The following CNTNAP5 variants were observed in gnomAD, a reference collection of about 807,000 sequenced individuals.
The protein encoded by CNTNAP5 is contactin associated protein family member 5.
Under a neutral mutation model 150.2 loss-of-function variants are expected in CNTNAP5, and 72 were observed. The observed-to-expected ratio is 0.48, with a 90% CI of 0.40 to 0.58. CNTNAP5 has a LOEUF of 0.58. CNTNAP5 is among the 20% of genes least tolerant of loss of function. The probability of loss-of-function intolerance (pLI) is 0.00; values close to 1 mark genes in which losing one functional copy is unlikely to be tolerated. For missense variants in CNTNAP5, 1,636 were observed against 1,626.2 expected (o/e 1.01, Z -0.10); for synonymous variants, 672 against 619.8 (o/e 1.08, Z -1.25).
chr2:124,811,940 C>T (rs1304634240), intron 19 of CNTNAP5, among the ~76,000 whole-genome samples: 15 of 117,310 alleles, frequency 1.3e-4, no homozygotes, highest in African/African-American at 4.7e-4. Flanking sequence ...AAACCTCCAT[C>T]TCAAAAAATA....
intron 5 of CNTNAP5, among the ~76,000 whole-genome samples, chr2:124,438,252 A>G (rs555877765): frequency 1.3e-5 from 2 of 152,290 alleles, no homozygotes; most frequent in Non-Finnish European, 2.9e-5. Context: ...CTTTCAATCC[A>G]TAAGGGGTTA....
intron 5 of CNTNAP5, among the ~76,000 whole-genome samples, chr2:124,443,345 G>A (rs1335422313): frequency 6.6e-6 from 1 of 151,010 alleles, no homozygotes; most frequent in Non-Finnish European, 1.5e-5. Context: ...TAAAAAGGAT[G>A]GGAAAGCTCT....
chr2:124,310,536 C>G (rs958745199), intron 3 of CNTNAP5, among the ~76,000 whole-genome samples: 1 of 152,092 alleles, frequency 6.6e-6, no homozygotes, highest in Admixed American at 6.6e-5. Context: ...CCCAAGCCCT[C>G]CCTTAACAAA....
At chr2:124,898,976 A>G (rs750940067) in intron 21 of CNTNAP5, among the ~76,000 whole-genome samples, 8 of 151,486 alleles carry the variant, frequency 5.3e-5, no homozygotes, top group Non-Finnish European at 1.2e-4. Context: ...ATTGTGCATC[A>G]TGGTGACTGC....
chr2:124,480,331 A>G (rs1693735448), intron 7 of CNTNAP5, among the ~76,000 whole-genome samples: 1 of 152,246 alleles, frequency 6.6e-6, no homozygotes, highest in African/African-American at 2.4e-5. Flanking sequence ...GATGTATTGA[A>G]GAGTAACAAC....
At chr2:124,726,800 G>A (rs1680165591) in intron 13 of CNTNAP5, among the ~76,000 whole-genome samples, 1 of 151,366 alleles carries the variant, frequency 6.6e-6, no homozygotes, top group Non-Finnish European at 1.5e-5. Flanking sequence ...TTTCACTCTC[G>A]ATTGTTGATT....
chr2:124,790,175 G>T, intron 18 of CNTNAP5, 34 bp downstream of exon 18: 1 of 1,572,326 alleles, frequency 6.4e-7, no homozygotes, highest in East Asian at 2.3e-5. Context: ...CCTGAGTGCA[G>T]TGCTGTATCA....
chr2:124,362,283 G>C (rs546505566), intron 3 of CNTNAP5, among the ~76,000 whole-genome samples: 2 of 152,162 alleles, frequency 1.3e-5, no homozygotes, highest in East Asian at 1.9e-4. Flanking sequence ...CGTCGCTCAC[G>C]CTGGGAGCTG....
intron 1 of CNTNAP5, among the ~76,000 whole-genome samples, chr2:124,057,749 CAG>C (rs971223146): frequency 6.6e-6 from 1 of 151,644 alleles, no homozygotes; most frequent in African/African-American, 2.4e-5. Flanking sequence ...AGGATGGTAA[CAG>C]AGGCTGGGAA....
At chr2:124,237,117 G>A (rs77640195) in intron 2 of CNTNAP5, among the ~76,000 whole-genome samples, 11,536 of 151,984 alleles carry the variant, frequency 0.076, 609 homozygotes, top group Non-Finnish European at 0.12. Flanking sequence ...TGACAGGAGC[G>A]AGACTCTGTC....
Position 124,856,638 on chromosome 2 carries a change from G to A in CNTNAP5, c.3218-8668G>A, listed in dbSNP as rs188956463. Among the ~76,000 whole-genome samples, 47 of 152,192 alleles carry A rather than the reference G, an allele frequency of 3.1e-4. 1 individual carries two copies. The East Asian group carries it at 8.5e-3, about 28-fold the overall frequency. On this transcript the variant is annotated intron_variant, in intron 19 of 23. Coordinates refer to ENST00000682447, the MANE Select transcript of CNTNAP5 (RefSeq NM_001367498.1). ...CTTTTAGACCCTGAGTTCCTGGTCC[G>A]TCATCCCCTTGTCATGTGTAGCTGA...
chr2:124,392,957 T>G (rs928666734), intron 3 of CNTNAP5, among the ~76,000 whole-genome samples: 3 of 152,200 alleles, frequency 2.0e-5, no homozygotes, highest in Non-Finnish European at 2.9e-5. Context: ...CCCAGGACAA[T>G]TCTCAAAGTT....
At chr2:124,257,052 C>A (rs373887318) in intron 3 of CNTNAP5, among the ~76,000 whole-genome samples, 61 of 152,208 alleles carry the variant, frequency 4.0e-4, no homozygotes, top group South Asian at 1.7e-3. Flanking sequence ...ATACAACCCA[C>A]GCAGTCCCAA....
intron 1 of CNTNAP5, among the ~76,000 whole-genome samples, chr2:124,195,803 C>T (rs1269216515): frequency 6.6e-6 from 1 of 152,156 alleles, no homozygotes; most frequent in Non-Finnish European, 1.5e-5. Flanking sequence ...ACTCAAGATT[C>T]TGTACCCAGG....
At chr2:124,063,442 T>C (rs1281218713) in intron 1 of CNTNAP5, among the ~76,000 whole-genome samples, 2 of 152,118 alleles carry the variant, frequency 1.3e-5, no homozygotes, top group Admixed American at 6.6e-5. Flanking sequence ...AAACATTTAT[T>C]GAAACCTTCT....
In CNTNAP5 at chr2:124,795,385, T is replaced by A. The variant is rs541480510; in HGVS notation, c.2993-2711T>A. Among the ~76,000 whole-genome samples the A allele has an allele frequency of 2.0e-5, 3 of 152,322 alleles. No individual in the cohort carries two copies. The South Asian group carries it at 6.2e-4, about 32-fold the overall frequency. ...ATGCCCTGTCAATACGGAGATCCTC[T>A]TGCAGGTCTCAGGAGGCTCTGCTCT... On this transcript the variant is annotated intron_variant, in intron 18 of 23. Transcript: ENST00000682447.
In CNTNAP5 at chr2:124,411,019, T is replaced by G. The variant is rs528016730; in HGVS notation, c.382-6424T>G. Among the ~76,000 whole-genome samples, 7 of 151,904 alleles carry G rather than the reference T, an allele frequency of 4.6e-5. No individual in the cohort carries two copies. In the South Asian group the frequency reaches 1.5e-3, roughly 32 times the overall value. The stretch of plus-strand genomic sequence containing the variant: ...AAGAAAAAAAGAGAGAAGAATCAAA[T>G]AGATGCAATAAAAAAAGATAAAGGG... On this transcript the variant is annotated intron_variant, in intron 3 of 23. Coordinates refer to ENST00000682447, the MANE Select transcript of CNTNAP5 (RefSeq NM_001367498.1).
At chr2:124,681,700 A>T (rs995087179) in intron 13 of CNTNAP5, among the ~76,000 whole-genome samples, 6 of 152,058 alleles carry the variant, frequency 3.9e-5, no homozygotes, top group African/African-American at 1.4e-4. Flanking sequence ...AGTAGCTGGG[A>T]CTACAGGTGC....
chr2:124,499,354 T>G (rs728050), intron 7 of CNTNAP5, among the ~76,000 whole-genome samples: 57,205 of 151,976 alleles, frequency 0.38, 11,172 homozygotes, highest in South Asian at 0.57. Context: ...CACACGACTG[T>G]AAGCCCATGG....
Sources: allele counts gnomAD v4.1 joint callset (sites outside exome capture counted in the v4.1 genomes callset), GRCh38; gene constraint gnomAD v4.1.1; transcripts MANE v1.5; gene names NCBI Gene and HGNC (gene_info 2026-07-23, HGNC 2026-07-21).